Variants in RALGPS1 observed in about 807,000 individuals in gnomAD.
RALGPS1 encodes the protein ras-specific guanine nucleotide-releasing factor RalGPS1.
A neutral mutation model predicts 78.8 loss-of-function variants in RALGPS1; 19 were observed. That is an observed-to-expected ratio of 0.24 (90% CI 0.17 to 0.35). The LOEUF is 0.35. Ranked by LOEUF, RALGPS1 falls within the 10% of genes least tolerant of loss-of-function variation. The pLI, the probability that RALGPS1 is intolerant of heterozygous loss-of-function variation, is 1.00. For missense variants in RALGPS1, 454 were observed against 688.3 expected (o/e 0.66, Z 3.81); for synonymous variants, 228 against 256.3 (o/e 0.89, Z 1.06).
intron 1 of RALGPS1, among the ~76,000 whole-genome samples, chr9:126,955,340 C>T (rs183061896): frequency 3.3e-5 from 5 of 152,284 alleles, no homozygotes; most frequent in Admixed American, 3.3e-4. Context: ...CATTCATTAA[C>T]TTTGAACTGA....
rs570528857 is a variant in RALGPS1, at chr9:127,116,194, G to A, written c.610+46838G>A. ...GGGTAAGACAGATTTGCCTGGAGGA[G>A]TAGCACTGGGGGTTCGAATCTGCCT... is the stretch of plus-strand genomic sequence containing the variant. On this transcript the variant is annotated intron_variant, in intron 8 of 18. Coordinates refer to ENST00000259351, the MANE Select transcript of RALGPS1 (RefSeq NM_014636.3). Among the ~76,000 whole-genome samples, 114 of 152,322 alleles carry A rather than the reference G, an allele frequency of 7.5e-4. 2 individuals carry two copies. Among genetic ancestry groups the A allele is most frequent in the Admixed American group, 3.9e-4 (6 of 15,300 alleles).
chr9:127,203,953 G>A (rs888477231), intron 14 of RALGPS1, among the ~76,000 whole-genome samples: 1 of 152,212 alleles, frequency 6.6e-6, no homozygotes, highest in African/African-American at 2.4e-5. Context: ...GGGCCCCATG[G>A]CAGGTCCTCT....
intron 4 of RALGPS1, among the ~76,000 whole-genome samples, chr9:127,027,231 A>G (rs774809361): frequency 2.0e-5 from 3 of 152,170 alleles, no homozygotes; most frequent in African/African-American, 7.2e-5. Flanking sequence ...GTTTAGGTCT[A>G]TCTTTTACTT....
intron 4 of RALGPS1, among the ~76,000 whole-genome samples, chr9:127,019,389 G>A (rs2045224546): frequency 6.6e-6 from 1 of 152,070 alleles, no homozygotes; most frequent in South Asian, 2.1e-4. Flanking sequence ...GTGCAGTGGT[G>A]CAATCTCGGC....
In RALGPS1 at chr9:126,947,407, C is replaced by T. The variant is rs2037382639; in HGVS notation, c.-65-14818C>T. ...TGACATGATGCTCAAAGGAAATGCT[C>T]ATTGGAGCATTTTGGATTTTGGATT... On this transcript the variant is annotated intron_variant, in intron 1 of 18. Coordinates refer to ENST00000259351, the MANE Select transcript of RALGPS1 (RefSeq NM_014636.3). 2.0e-5 allele frequency among the ~76,000 whole-genome samples: 3 copies of T among 152,142 alleles called. No homozygotes were observed. The South Asian group carries it at 6.2e-4, about 31-fold the overall frequency.
At chr9:127,166,992 C>T (rs1243861974) in intron 9 of RALGPS1, among the ~76,000 whole-genome samples, 1 of 137,252 alleles carries the variant, frequency 7.3e-6, no homozygotes, top group Non-Finnish European at 1.5e-5. Flanking sequence ...GATGAGCAGG[C>T]GGTTAGTCAG....
chr9:127,222,864 C>T lies in RALGPS1; in HGVS notation c.*4095C>T, dbSNP rs921793470. ...GAAAATCAGTTTCTACATTTTAATT[C>T]GTTTCCTGTTAAATCTGTTGCACTC... On this transcript the variant is annotated 3_prime_UTR_variant, in exon 19 of 19. Coordinates refer to ENST00000259351, the MANE Select transcript of RALGPS1 (RefSeq NM_014636.3). 1 of 152,526 alleles carries T rather than the reference C, an allele frequency of 6.6e-6. No individual in the cohort carries two copies. The highest frequency in any genetic ancestry group is 2.4e-5 in the African/African-American group (1 of 41,430). The allele number at this position is 152,526 out of a possible 1,614,324, so 9.4% of individuals were successfully genotyped here. A position where few individuals can be genotyped will look rare whatever the true frequency, so the allele number is the denominator to read the frequency against.
chr9:127,117,106 T>C (rs1402643774), intron 8 of RALGPS1, among the ~76,000 whole-genome samples: 2 of 152,266 alleles, frequency 1.3e-5, no homozygotes, highest in Admixed American at 6.5e-5. Context: ...TTGCATGTGC[T>C]GTGCTTCCTG....
chr9:127,092,165 G>A, intron 8 of RALGPS1, among the ~76,000 whole-genome samples: 1 of 152,212 alleles, frequency 6.6e-6, no homozygotes, highest in East Asian at 1.9e-4. Flanking sequence ...GTGAACCCCA[G>A]ATTCCTTGTT....
At position 127,011,074 on chromosome 9, in the gene RALGPS1, T is replaced by C. The variant is rs188695476; in HGVS notation, c.217-23357T>C. 1.2e-4 allele frequency among the ~76,000 whole-genome samples: 19 copies of C among 152,086 alleles called. No homozygotes were observed. In the East Asian group the frequency reaches 1.5e-3, roughly 12 times the overall value. ...ACTTCCTCTGTGGTGATCATAGCAGTGTGGCCAAGCCAGGGGCTATATCTT... is the reference window on the plus strand; with the variant it reads ...ACTTCCTCTGTGGTGATCATAGCAGCGTGGCCAAGCCAGGGGCTATATCTT... On this transcript the variant is annotated intron_variant, in intron 4 of 18. Transcript: ENST00000259351.
At chr9:127,151,106 C>T (rs1045141163) in intron 8 of RALGPS1, among the ~76,000 whole-genome samples, 2 of 151,968 alleles carry the variant, frequency 1.3e-5, no homozygotes, top group African/African-American at 4.8e-5. Flanking sequence ...ATTGCTTGAA[C>T]CCAGGAGGCA....
intron 8 of RALGPS1, among the ~76,000 whole-genome samples, chr9:127,070,600 TTTTC>T (rs996112262): frequency 6.6e-6 from 1 of 152,164 alleles, no homozygotes; most frequent in Non-Finnish European, 1.5e-5. Context: ...TCCTTTTCCT[TTTTC>T]TTTCTTTCTT....
chr9:127,137,234 C>T (rs1236562875), intron 8 of RALGPS1, among the ~76,000 whole-genome samples: 1 of 152,204 alleles, frequency 6.6e-6, no homozygotes, highest in Non-Finnish European at 1.5e-5. Flanking sequence ...ACTAGTGTCC[C>T]ACCCGGGCCA....
At chr9:127,072,348 G>T (rs2050282090) in intron 8 of RALGPS1, among the ~76,000 whole-genome samples, 1 of 152,132 alleles carries the variant, frequency 6.6e-6, no homozygotes, top group Non-Finnish European at 1.5e-5. Flanking sequence ...AAGTAGCTGG[G>T]ACTACAGGTG....
At chr9:127,071,594 GT>G (rs894658473) in intron 8 of RALGPS1, among the ~76,000 whole-genome samples, 1 of 149,646 alleles carries the variant, frequency 6.7e-6, no homozygotes, top group African/African-American at 2.5e-5. Context: ...TTGTGTATAT[GT>G]TTTTTTTTCA....
At chr9:127,032,369 G>A (rs992310077) in intron 4 of RALGPS1, among the ~76,000 whole-genome samples, 9 of 122,390 alleles carry the variant, frequency 7.4e-5, no homozygotes, top group Admixed American at 3.1e-4. Context: ...GCACATGTGC[G>A]TGTGCACACA....
intron 3 of RALGPS1, among the ~76,000 whole-genome samples, chr9:126,969,161 A>G (rs553943123): frequency 8.9e-4 from 135 of 152,374 alleles, no homozygotes; most frequent in African/African-American, 3.1e-3. Context: ...TCATTTTAAA[A>G]TATAAGCAAC....
intron 3 of RALGPS1, among the ~76,000 whole-genome samples, chr9:126,971,951 G>C (rs2132468927): frequency 6.6e-6 from 1 of 152,342 alleles, no homozygotes; most frequent in African/African-American, 2.4e-5. Context: ...AAGAGGTTAA[G>C]TAAGTTTTTA....
At chr9:127,131,417 C>T (rs776635006) in intron 8 of RALGPS1, among the ~76,000 whole-genome samples, 5 of 152,304 alleles carry the variant, frequency 3.3e-5, no homozygotes, top group African/African-American at 1.2e-4. Context: ...AGCCAACAGC[C>T]GCCATCTGTT....
Sources: allele counts gnomAD v4.1 joint callset (sites outside exome capture counted in the v4.1 genomes callset), GRCh38; gene constraint gnomAD v4.1.1; transcripts MANE v1.5; gene names NCBI Gene and HGNC (gene_info 2026-07-23, HGNC 2026-07-21).